The following CEP295 variants were observed in gnomAD, a reference collection of about 807,000 sequenced individuals.
CEP295 encodes the protein centrosomal protein of 295 kDa.
A neutral mutation model predicts 291.6 loss-of-function variants in CEP295; 190 were observed. That is an observed-to-expected ratio of 0.65 (90% CI 0.58 to 0.73). CEP295 has a LOEUF of 0.73. Among genes scored for constraint, CEP295 ranks in the 30% least tolerant of loss-of-function variants. The pLI, the probability that CEP295 is intolerant of heterozygous loss-of-function variation, is 0.00. For synonymous variants in CEP295, 993 were observed against 1,038.8 expected, an observed-to-expected ratio of 0.96 and a Z score of 0.85; for missense variants, 2,863 against 2,949.4, an observed-to-expected ratio of 0.97 and a Z score of 0.68.
chr11:93,669,834 G>T, intron 5 of CEP295, 64 bp downstream of exon 5: 1 of 1,050,830 alleles, frequency 9.5e-7, no homozygotes, highest in Non-Finnish European at 1.4e-6. Flanking sequence ...TTCAGTGGAG[G>T]TCAGAATGAC....
At chr11:93,693,071 A>G (rs1341618958) in intron 12 of CEP295, among the ~76,000 whole-genome samples, 1 of 148,988 alleles carries the variant, frequency 6.7e-6, no homozygotes, top group African/African-American at 2.5e-5. Flanking sequence ...AGGTCAGGAG[A>G]TAGAGACCAT....
Position 93,697,987 on chromosome 11 carries a change from C to T in CEP295, c.3075C>T (p.Ser1025=), listed in dbSNP as rs910976145. Residue 1025 remains serine, a synonymous_variant, in exon 15 of 30, where the codon AGC becomes AGT. Transcript: ENST00000325212. The part of the protein sequence containing the change: ...GKIQEQHSSK[S]EKGLVSCQSD... ...TACAGGAGCAACATTCATCTAAGAG[C>T]GAGAAAGGACTTGTTTCATGCCAAT... 13 of 1,551,486 alleles carry T rather than the reference C, an allele frequency of 8.4e-6. No individual in the cohort carries two copies. The highest frequency in any genetic ancestry group is 3.6e-5 in the South Asian group (3 of 84,056).
chr11:93,686,252 A>C (rs1951231276), intron 9 of CEP295, among the ~76,000 whole-genome samples: 1 of 151,918 alleles, frequency 6.6e-6, no homozygotes, highest in Non-Finnish European at 1.5e-5. Flanking sequence ...CTGGGAGACA[A>C]AGGCTGCAGT....
chr11:93,727,264 C>G lies in CEP295; in HGVS notation c.6788C>G (p.Ser2263Cys). The change falls in exon 24 of 30, where the codon TCT (serine) becomes TGT (cysteine). Residue 2263 changes from serine (S) to cysteine (C), a missense_variant. By Grantham distance (112) the Ser-to-Cys change is moderately radical. Coordinates refer to ENST00000325212, the MANE Select transcript of CEP295 (RefSeq NM_033395.2). ...VQHSTPCGSNSSECSTKHQLE... is the reference protein window; with the variant it reads ...VQHSTPCGSNCSECSTKHQLE... ...CATAGCACTCCATGTGGTTCTAACT[C>G]TAGTGAGTGCTCAACAAAACACCAA... 1 of 1,551,708 alleles carries G rather than the reference C, an allele frequency of 6.4e-7. No individual in the cohort carries two copies. Among genetic ancestry groups the G allele is most frequent in the South Asian group, 1.2e-5 (1 of 84,056 alleles).
chr11:93,666,593 C>CA (rs1373675912), intron 1 of CEP295, 89 bp from the exon 2 acceptor site: 2,452 of 559,918 alleles, frequency 4.4e-3, no homozygotes, highest in Middle Eastern at 7.4e-3. Flanking sequence ...GACTCTGTCT[C>CA]AAAAAAAAAC....
chr11:93,726,318 T>C (rs1042216664), intron 23 of CEP295, among the ~76,000 whole-genome samples: 19 of 152,150 alleles, frequency 1.2e-4, no homozygotes, highest in Non-Finnish European at 1.0e-4. Flanking sequence ...ATTTTTAGTA[T>C]AGACAGGGTT....
chr11:93,712,986 T>A (rs899968027), intron 18 of CEP295, among the ~76,000 whole-genome samples: 1 of 151,906 alleles, frequency 6.6e-6, no homozygotes, highest in Non-Finnish European at 1.5e-5. Flanking sequence ...AATTTGAGGT[T>A]ACCCTGAAGC....
rs954456768 is a variant in CEP295, at chr11:93,729,599, C to T, written c.7400-15C>T. The T allele has an allele frequency of 6.5e-7, 1 of 1,549,922 alleles. No homozygotes were observed. Among genetic ancestry groups the T allele is most frequent in the Admixed American group, 2.0e-5 (1 of 50,728 alleles). The stretch of plus-strand genomic sequence containing the variant: ...CTTTGCCTATTTCTGTCATAAATTT[C>T]TTTTCCCCCAGCAGAAACCCCTCGC... On this transcript the variant is annotated splice_polypyrimidine_tract_variant and intron_variant, in intron 26 of 29. Transcript: ENST00000325212.
chr11:93,701,298 G>A (rs1283473091), intron 15 of CEP295, among the ~76,000 whole-genome samples: 2 of 152,144 alleles, frequency 1.3e-5, no homozygotes, highest in African/African-American at 2.4e-5. Context: ...CCAGGAGGTT[G>A]AGGCTGCAGT....
intron 17 of CEP295, among the ~76,000 whole-genome samples, chr11:93,703,911 G>GGCA (rs1274442623): frequency 4.6e-5 from 7 of 151,754 alleles, no homozygotes; most frequent in African/African-American, 1.7e-4. Context: ...TGGAACTAGA[G>GGCA]GCACCCGCCA....
rs537774296 is a variant in CEP295 at position 93,723,251 on chromosome 11, A to G, written c.6158A>G (p.Asn2053Ser). The G allele has an allele frequency of 2.0e-6, 3 of 1,538,388 alleles. No homozygotes were observed. The highest frequency in any genetic ancestry group is 1.2e-5 in the South Asian group (1 of 81,312). The change falls in exon 21 of 30, where the codon AAT becomes AGT. Residue 2053 changes from asparagine (N) to serine (S), a missense_variant. Transcript: ENST00000325212. ...HFQQMIDKYI[N>S]EANLIPEKTD... ...CAGCAAATGATAGACAAGTACATTA[A>G]TGAAGCAAATTTGATACCTGAAAAA...
intron 10 of CEP295, among the ~76,000 whole-genome samples, chr11:93,689,431 A>T (rs1293218368): frequency 2.6e-5 from 4 of 152,228 alleles, no homozygotes; most frequent in Non-Finnish European, 5.9e-5. Flanking sequence ...TTTCTCAGAC[A>T]GCAAACATAG....
Position 93,697,362 on chromosome 11 carries a change from G to T in CEP295, c.2450G>T (p.Ser817Ile). The change falls in exon 15 of 30, where the codon AGT becomes ATT. Residue 817 changes from serine (S) to isoleucine (I), a missense_variant. This residue lies in a region of CEP295 where 2,295 missense variants were observed against 2,335.7 expected (regional missense o/e 0.98). Transcript: ENST00000325212. The stretch of plus-strand genomic sequence containing the variant: ...GAACCCTTTTCAGCCATGAGCAAAA[G>T]TACAGTTTCCACAAGCCATTCTATA... ...IQEPFSAMSK[S>I]TVSTSHSIIS... is the part of the protein sequence containing the mutation. 1.9e-6 allele frequency: 3 copies of T among 1,551,918 alleles called. No individual in the cohort carries two copies. Among genetic ancestry groups the T allele is most frequent in the Non-Finnish European group, 2.6e-6 (3 of 1,147,032 alleles).
At chr11:93,665,960 G>T (rs1280874045) in intron 1 of CEP295, among the ~76,000 whole-genome samples, 1 of 152,134 alleles carries the variant, frequency 6.6e-6, no homozygotes, top group Non-Finnish European at 1.5e-5. Flanking sequence ...AGTTATGAAG[G>T]TTCTAAAGTG....
At chr11:93,692,725 C>A (rs1015992618) in intron 12 of CEP295, among the ~76,000 whole-genome samples, 3 of 152,032 alleles carry the variant, frequency 2.0e-5, no homozygotes, top group Non-Finnish European at 4.4e-5. Flanking sequence ...GAAATCCCAG[C>A]ACTTTGGGAG....
intron 12 of CEP295, among the ~76,000 whole-genome samples, chr11:93,694,843 A>G (rs1591050755): frequency 6.6e-6 from 1 of 152,226 alleles, no homozygotes; most frequent in East Asian, 1.9e-4. Flanking sequence ...TTAAACCACA[A>G]AAGCTAAATT....
In CEP295 at chr11:93,727,466, G is replaced by A; in HGVS notation, c.6990G>A (p.Met2330Ile). ...GATTATGTGTAAGAACAGTGGAGAT[G>A]GGAACTTCAATTCAGGCACCATATT... ...DSRLCVRTVE[M>I]GTSIQAPYSL... The change falls in exon 24 of 30, where the codon ATG becomes ATA. Residue 2330 changes from methionine (M) to isoleucine (I), a missense_variant. This residue lies in a region of CEP295 where 2,295 missense variants were observed against 2,335.7 expected (regional missense o/e 0.98). Transcript: ENST00000325212. 6.4e-7 allele frequency: 1 copy of A among 1,551,940 alleles called. No individual in the cohort carries two copies.
At chr11:93,672,472 C>G (rs1389417704) in intron 5 of CEP295, among the ~76,000 whole-genome samples, 1 of 151,394 alleles carries the variant, frequency 6.6e-6, no homozygotes, top group Admixed American at 6.6e-5. Context: ...AGTGCAGTGG[C>G]TCTTCACCAG....
At chr11:93,664,613 GTCAT>G (rs1215501447) in intron 1 of CEP295, among the ~76,000 whole-genome samples, 1 of 152,298 alleles carries the variant, frequency 6.6e-6, no homozygotes, top group East Asian at 1.9e-4. Context: ...AACTCATTGA[GTCAT>G]TCATTCAGTC....
Sources: gnomAD v4.1 joint callset for allele counts (sites outside exome capture counted in the v4.1 genomes callset) on GRCh38, gnomAD v4.1.1 for gene constraint, gnomAD v4.1.1 regional missense constraint, MANE v1.5 for transcripts, NCBI Gene and HGNC (gene_info 2026-07-23, HGNC 2026-07-21) for gene names.